SPAG16: variants seen among roughly 807,000 people sequenced by gnomAD.
SPAG16 encodes sperm associated antigen 16, also known as sperm-associated antigen 16 protein.
A neutral mutation model predicts 80.4 loss-of-function variants in SPAG16; 86 were observed. That is an observed-to-expected ratio of 1.07 (90% CI 0.90 to 1.28). The LOEUF (loss-of-function observed/expected upper bound fraction) is 1.28. SPAG16 is among the 50% of genes most tolerant of loss of function. The pLI is 0.00. For synonymous variants in SPAG16, 294 were observed against 265.9 expected, an observed-to-expected ratio of 1.11 and a Z score of -1.03; for missense variants, 870 against 765.3, an observed-to-expected ratio of 1.14 and a Z score of -1.61.
intron 10 of SPAG16, among the ~76,000 whole-genome samples, chr2:213,718,992 C>A (rs547378550): frequency 1.3e-5 from 2 of 152,200 alleles, no homozygotes; most frequent in Non-Finnish European, 2.9e-5. Context: ...ATATCTAGTT[C>A]AGGGATTGTA....
At chr2:214,323,173 A>G (rs1407149608) in intron 15 of SPAG16, among the ~76,000 whole-genome samples, 1 of 152,144 alleles carries the variant, frequency 6.6e-6, no homozygotes, top group Non-Finnish European at 1.5e-5. Flanking sequence ...TTTTTATCCT[A>G]ATATAAAAAG....
In SPAG16 at chr2:214,196,140, C is replaced by A. The variant is rs149521849; in HGVS notation, c.1720+46874C>A. Among the ~76,000 whole-genome samples the A allele has an allele frequency of 3.7e-4, 56 of 152,096 alleles. No individual in the cohort carries two copies. The East Asian group carries it at 9.7e-3, about 26-fold the overall frequency. On this transcript the variant is annotated intron_variant, in intron 15 of 15. Transcript: ENST00000331683. The stretch of plus-strand genomic sequence containing the variant: ...ATCCCGTGTTGAATGTCATAACCAT[C>A]AGTATTGTATGCCTCGGGAAGGTGG...
chr2:213,339,555 T>C (rs540945199), intron 5 of SPAG16, among the ~76,000 whole-genome samples: 90 of 152,304 alleles, frequency 5.9e-4, no homozygotes, highest in African/African-American at 1.9e-3. Context: ...GCAGAAGATA[T>C]ATCAAGTTGA....
intron 11 of SPAG16, among the ~76,000 whole-genome samples, chr2:213,905,761 A>C (rs925541447): frequency 6.6e-6 from 1 of 152,164 alleles, no homozygotes; most frequent in Non-Finnish European, 1.5e-5. Context: ...GGAGAGGGCA[A>C]ATGTTGGGAA....
At chr2:213,328,834 A>G (rs13406069) in intron 5 of SPAG16, among the ~76,000 whole-genome samples, 32,936 of 151,964 alleles carry the variant, frequency 0.22, 4,382 homozygotes, top group Non-Finnish European at 0.31. Context: ...CTGTGTCCCC[A>G]CCCAAATCTC....
intron 15 of SPAG16, among the ~76,000 whole-genome samples, chr2:214,202,168 C>T (rs995754422): frequency 2.0e-5 from 3 of 152,138 alleles, no homozygotes; most frequent in Admixed American, 6.5e-5. Flanking sequence ...TCTTATAACA[C>T]GTTTATTTAC....
intron 10 of SPAG16, among the ~76,000 whole-genome samples, chr2:213,668,900 G>A (rs538285296): frequency 5.3e-5 from 8 of 151,916 alleles, no homozygotes; most frequent in Non-Finnish European, 7.4e-5. Flanking sequence ...TGCCTGCCTC[G>A]GCCTCCCTAA....
chr2:213,284,945 C>A (rs1033487945), intron 1 of SPAG16, among the ~76,000 whole-genome samples: 1 of 152,176 alleles, frequency 6.6e-6, no homozygotes, highest in Admixed American at 6.5e-5. Context: ...CTTCAACCCT[C>A]CTTTCAAATA....
intron 8 of SPAG16, among the ~76,000 whole-genome samples, chr2:213,365,864 C>T (rs180868735): frequency 1.5e-4 from 22 of 151,484 alleles, no homozygotes; most frequent in Admixed American, 2.0e-4. Context: ...AAAGATAGGC[C>T]GGGCACGGTG....
intron 10 of SPAG16, among the ~76,000 whole-genome samples, chr2:213,698,463 T>C (rs573353483): frequency 2.4e-4 from 36 of 152,238 alleles, no homozygotes; most frequent in Non-Finnish European, 4.4e-4. Flanking sequence ...GGTCTCACCA[T>C]GTTGCCCAGG....
intron 10 of SPAG16, among the ~76,000 whole-genome samples, chr2:213,595,921 T>C (rs2060872609): frequency 6.6e-6 from 1 of 152,094 alleles, no homozygotes; most frequent in Non-Finnish European, 1.5e-5. Context: ...TTGATCACCA[T>C]TGTATACTTC....
chr2:213,945,908 C>T (rs549355344), intron 12 of SPAG16, among the ~76,000 whole-genome samples: 4 of 152,170 alleles, frequency 2.6e-5, no homozygotes, highest in Admixed American at 6.5e-5. Flanking sequence ...AACCGTTTTG[C>T]GAACAATACA....
intron 15 of SPAG16, among the ~76,000 whole-genome samples, chr2:214,152,687 T>A (rs1576361775): frequency 1.3e-5 from 2 of 152,080 alleles, no homozygotes; most frequent in African/African-American, 4.8e-5. Context: ...GCCCCGAATG[T>A]CTGGCTGTGC....
At chr2:213,836,901 A>C (rs1414133698) in intron 10 of SPAG16, among the ~76,000 whole-genome samples, 2 of 152,186 alleles carry the variant, frequency 1.3e-5, no homozygotes, top group African/African-American at 4.8e-5. Context: ...GGCATGAGCC[A>C]CCAGGCCCAG....
intron 9 of SPAG16, among the ~76,000 whole-genome samples, chr2:213,395,824 C>A (rs1250675398): frequency 6.6e-6 from 1 of 152,184 alleles, no homozygotes. Flanking sequence ...AACATCACTT[C>A]AATTTTGCTT....
At chr2:214,256,076 G>C (rs1359955966) in intron 15 of SPAG16, among the ~76,000 whole-genome samples, 2 of 151,806 alleles carry the variant, frequency 1.3e-5, no homozygotes, top group Non-Finnish European at 2.9e-5. Context: ...CTAGTAATTT[G>C]TAGAAGTTTC....
chr2:214,143,623 A>T (rs2055485187), intron 14 of SPAG16, among the ~76,000 whole-genome samples: 1 of 152,238 alleles, frequency 6.6e-6, no homozygotes, highest in East Asian at 1.9e-4. Context: ...TTGTGAAAAA[A>T]TTCTTTTAAA....
intron 9 of SPAG16, among the ~76,000 whole-genome samples, chr2:213,474,342 C>G (rs766449372): frequency 2.5e-4 from 38 of 152,144 alleles, no homozygotes; most frequent in Non-Finnish European, 3.5e-4. Flanking sequence ...GGAGATAGGT[C>G]TCTCAGGGAA....
chr2:214,290,639 G>C (rs904883266), intron 15 of SPAG16, among the ~76,000 whole-genome samples: 4 of 151,966 alleles, frequency 2.6e-5, no homozygotes, highest in African/African-American at 9.7e-5. Flanking sequence ...TTGGCCCAAT[G>C]GTTGGTTATC....
Sources: allele counts gnomAD v4.1 joint callset (sites outside exome capture counted in the v4.1 genomes callset), GRCh38; gene constraint gnomAD v4.1.1; transcripts MANE v1.5; gene names NCBI Gene and HGNC (gene_info 2026-07-23, HGNC 2026-07-21).